FUT8: variants seen among roughly 807,000 people sequenced by gnomAD.
FUT8 encodes fucosyltransferase 8, also known as alpha-(1,6)-fucosyltransferase.
In FUT8, 29 loss-of-function variants were observed where a neutral mutation model predicts 71.3. The observed-to-expected ratio is 0.41, with a 90% CI of 0.30 to 0.55. FUT8 has a LOEUF of 0.55. FUT8 is among the 20% of genes least tolerant of loss of function. The pLI is 0.34. For missense variants in FUT8, 544 were observed against 702.1 expected, an observed-to-expected ratio of 0.77 and a Z score of 2.55; for synonymous variants, 254 against 239.3, an observed-to-expected ratio of 1.06 and a Z score of -0.57.
At chr14:65,741,447 T>A (rs961171740) in intron 10 of FUT8, among the ~76,000 whole-genome samples, 9 of 151,936 alleles carry the variant, frequency 5.9e-5, no homozygotes, top group African/African-American at 2.2e-4. Flanking sequence ...GGATAGCATT[T>A]GGAGATATAC....
intron 10 of FUT8, among the ~76,000 whole-genome samples, chr14:65,738,019 G>A (rs1159573125): frequency 1.3e-5 from 2 of 152,092 alleles, no homozygotes; most frequent in Non-Finnish European, 2.9e-5. Context: ...GTACCATGGA[G>A]GAAAGCACAG....
chr14:65,449,986 C>T (rs2065797667), intron 1 of FUT8, among the ~76,000 whole-genome samples: 1 of 152,200 alleles, frequency 6.6e-6, no homozygotes, highest in South Asian at 2.1e-4. Flanking sequence ...ACCAATTTCA[C>T]CACTGATAGA....
At chr14:65,575,132 A>G (rs146124558) in intron 3 of FUT8, among the ~76,000 whole-genome samples, 1,828 of 151,780 alleles carry the variant, frequency 0.012, 14 homozygotes, top group Middle Eastern at 0.024. Flanking sequence ...ATAGTCTAGG[A>G]GTGCCTCTGG....
chr14:65,524,072 A>T (rs1566801023), intron 2 of FUT8, among the ~76,000 whole-genome samples: 1 of 152,112 alleles, frequency 6.6e-6, no homozygotes, highest in East Asian at 1.9e-4. Context: ...TTTTGGTTCC[A>T]TATGAACTTT....
At chr14:65,666,170 C>A (rs1892204649) in intron 6 of FUT8, among the ~76,000 whole-genome samples, 1 of 151,984 alleles carries the variant, frequency 6.6e-6, no homozygotes, top group Non-Finnish European at 1.5e-5. Context: ...GTTTACAGTT[C>A]TTCTCAAGTA....
chr14:65,689,546 T>G (rs79691769), intron 7 of FUT8, among the ~76,000 whole-genome samples: 12,845 of 151,582 alleles, frequency 0.085, 703 homozygotes, highest in Non-Finnish European at 0.12. Context: ...TTGTTTGTTT[T>G]TTTGTTTTTT....
chr14:65,471,762 C>T (rs1326262175), intron 2 of FUT8, among the ~76,000 whole-genome samples: 1 of 151,610 alleles, frequency 6.6e-6, no homozygotes, highest in African/African-American at 2.4e-5. Flanking sequence ...TTACCCCCAG[C>T]TTTTTTTCTT....
chr14:65,615,561 C>T (rs1038038417), intron 3 of FUT8, among the ~76,000 whole-genome samples: 2 of 152,164 alleles, frequency 1.3e-5, no homozygotes, highest in Non-Finnish European at 2.9e-5. Flanking sequence ...GATGTTTGAG[C>T]ATGTCCTTAG....
intron 10 of FUT8, among the ~76,000 whole-genome samples, chr14:65,736,671 T>G (rs77495185): frequency 6.6e-6 from 1 of 151,986 alleles, no homozygotes; most frequent in African/African-American, 2.4e-5. Flanking sequence ...CTTCAGACTT[T>G]CCTATATATG....
intron 3 of FUT8, among the ~76,000 whole-genome samples, chr14:65,611,213 GCGCGCGCGCGCACA>G (rs1888915333): frequency 3.2e-4 from 2 of 6,248 alleles, no homozygotes; most frequent in African/African-American, 5.6e-4. Context: ...GCGCGCGCGC[GCGCGCGCGCGCACA>G]CACACACACA....
At chr14:65,410,505 G>C (rs1438637649), upstream of FUT8, 1 of 148,870 alleles carries the variant, frequency 6.7e-6, no homozygotes, top group East Asian at 2.0e-4. Context: ...AAAGTTATTT[G>C]TTATTTTAAC....
chr14:65,733,057 A>C (rs965243697), intron 9 of FUT8, among the ~76,000 whole-genome samples, 174 bp from the exon 10 acceptor site: 5 of 152,212 alleles, frequency 3.3e-5, no homozygotes, highest in Admixed American at 2.6e-4. Context: ...AGGGCATTCC[A>C]GAATGGTTTC....
At chr14:65,398,410 C>A in the FUT8 span, among the ~76,000 whole-genome samples, 2,688 of 152,014 alleles carry the variant, frequency 0.018, 78 homozygotes, top group African/African-American at 0.061. Context: ...ATTAGAAGAC[C>A]AAGACACTGC....
At chr14:65,628,119 T>C (rs552288933) in intron 5 of FUT8, among the ~76,000 whole-genome samples, 10 of 152,122 alleles carry the variant, frequency 6.6e-5, no homozygotes, top group Non-Finnish European at 1.3e-4. Context: ...TGAATAGATA[T>C]CTGAGAAAAG....
At chr14:65,690,629 ATC>A (rs58811272) in intron 7 of FUT8, among the ~76,000 whole-genome samples, 67 of 144,334 alleles carry the variant, frequency 4.6e-4, no homozygotes, top group Admixed American at 4.8e-4. Flanking sequence ...TCATCCCTTT[ATC>A]TCTCTCTCTC....
chr14:65,424,764 A>G (rs1339239329), intron 1 of FUT8, among the ~76,000 whole-genome samples: 1 of 151,858 alleles, frequency 6.6e-6, no homozygotes, highest in East Asian at 1.9e-4. Flanking sequence ...GACTCAAGCG[A>G]TTCTCCCATT....
chr14:65,659,768 C>T (rs1891870038), intron 6 of FUT8, among the ~76,000 whole-genome samples: 1 of 152,070 alleles, frequency 6.6e-6, no homozygotes, highest in South Asian at 2.1e-4. Flanking sequence ...CTTATTTCCT[C>T]CTCTCCTCTT....
intron 3 of FUT8, among the ~76,000 whole-genome samples, chr14:65,575,627 T>TCCTC (rs1403878949): frequency 1.0e-5 from 1 of 100,338 alleles, no homozygotes; most frequent in South Asian, 4.0e-4. Flanking sequence ...TCCTTCCTCT[T>TCCTC]TTTTTTTTTC....
At chr14:65,398,385 CTTAT>C in the FUT8 span, among the ~76,000 whole-genome samples, 3 of 152,004 alleles carry the variant, frequency 2.0e-5, no homozygotes, top group Non-Finnish European at 4.4e-5. Context: ...AAAAAAATTA[CTTAT>C]TTATTTATTT....
Sources: gnomAD v4.1 joint callset for allele counts (sites outside exome capture counted in the v4.1 genomes callset) on GRCh38, gnomAD v4.1.1 for gene constraint, MANE v1.5 for transcripts, NCBI Gene and HGNC (gene_info 2026-07-23, HGNC 2026-07-21) for gene names.